KDM5B: variants seen among roughly 807,000 people sequenced by gnomAD.
KDM5B encodes lysine demethylase 5B.
In KDM5B, 144 loss-of-function variants were observed where a neutral mutation model predicts 193.4. That is an observed-to-expected ratio of 0.74 (90% confidence interval 0.65 to 0.86). The LOEUF is 0.86. KDM5B is among the 40% of genes least tolerant of loss of function. The pLI is 0.00. For synonymous variants in KDM5B, 668 were observed against 682.6 expected (o/e 0.98, Z 0.33); for missense variants, 1,833 against 1,886.9 (o/e 0.97, Z 0.53).
chr1:202,731,629 T>TA (rs1654886473), intron 24 of KDM5B, among the ~76,000 whole-genome samples, 199 bp downstream of exon 24: 1 of 152,212 alleles, frequency 6.6e-6, no homozygotes, highest in African/African-American at 2.4e-5. Context: ...ACAATGGATA[T>TA]AAAGTCTTCC....
intron 1 of KDM5B, among the ~76,000 whole-genome samples, chr1:202,804,950 C>G (rs1005565474): frequency 6.6e-6 from 1 of 151,648 alleles, no homozygotes; most frequent in African/African-American, 2.4e-5. Context: ...GTTACTAAAG[C>G]CATAAATATA....
At chr1:202,805,044 C>G (rs915652350) in intron 1 of KDM5B, among the ~76,000 whole-genome samples, 1 of 152,134 alleles carries the variant, frequency 6.6e-6, no homozygotes, top group Non-Finnish European at 1.5e-5. Context: ...CTTAAAATTA[C>G]TCATCTCCAA....
chr1:202,773,495 T>C (rs1438863572), intron 3 of KDM5B, among the ~76,000 whole-genome samples: 1 of 152,144 alleles, frequency 6.6e-6, no homozygotes, highest in Non-Finnish European at 1.5e-5. Flanking sequence ...CTTGACAACA[T>C]GGTCCATAAA....
chr1:202,777,296 T>A (rs903966789), intron 1 of KDM5B, among the ~76,000 whole-genome samples: 1 of 145,166 alleles, frequency 6.9e-6, no homozygotes, highest in Admixed American at 7.1e-5. Flanking sequence ...AAATGATATA[T>A]CACATATACA....
chr1:202,752,468 T>G (rs1026712400), intron 12 of KDM5B, among the ~76,000 whole-genome samples: 2 of 152,186 alleles, frequency 1.3e-5, no homozygotes, highest in African/African-American at 4.8e-5. Context: ...GAAGTTCACA[T>G]GACAACAAAA....
chr1:202,746,236 A>T lies in KDM5B; in HGVS notation c.2104T>A (p.Ser702Thr), dbSNP rs747194805. The T allele has an allele frequency of 6.2e-7, 1 of 1,613,724 alleles. No individual in the cohort carries two copies. The highest frequency in any genetic ancestry group is 8.5e-7 in the Non-Finnish European group (1 of 1,179,672). The change falls in exon 15 of 27, where the codon TCT becomes ACT. Residue 702 changes from serine to threonine, a missense_variant. Physicochemically the swap from Ser to Thr is moderately conservative, Grantham distance 58 (BLOSUM62 1). Coordinates refer to ENST00000367265, the MANE Select transcript of KDM5B (RefSeq NM_006618.5). ...CVKCKTTCFM[S>T]AISCSCKPGL... ...GGTTTACAAGAACAGGAGATGGCAG[A>T]CATGAAGCATGTAGTTTTGCATTTT...
At position 202,775,308 on chromosome 1, in the gene KDM5B, C is replaced by T. The variant is rs187393470; in HGVS notation, c.283-573G>A. Among the ~76,000 whole-genome samples, 240 of 150,306 alleles carry T rather than the reference C, an allele frequency of 1.6e-3. 2 individuals carry two copies. The highest frequency in any genetic ancestry group is 5.6e-3 in the African/African-American group (229 of 40,862). ...ATCCCAGCACTTTGGGAGGCCGAGA[C>T]GGGTGAATCACGAGGTCAGGAGTTC... On this transcript the variant is annotated intron_variant, in intron 2 of 26. Transcript: ENST00000367265.
chr1:202,767,471 T>C (rs1656519043), intron 4 of KDM5B: 2 of 1,025,340 alleles, frequency 2.0e-6, no homozygotes, highest in Non-Finnish European at 3.1e-6. Flanking sequence ...AAGGATGAAA[T>C]GGCGGCACCT....
chr1:202,777,416 A>G (rs938196027), intron 1 of KDM5B, among the ~76,000 whole-genome samples: 3 of 151,506 alleles, frequency 2.0e-5, no homozygotes, highest in African/African-American at 7.3e-5. Flanking sequence ...ATTACCATAG[A>G]CATACCTCAT....
chr1:202,788,512 C>T (rs1195132089), intron 1 of KDM5B, among the ~76,000 whole-genome samples: 1 of 152,144 alleles, frequency 6.6e-6, no homozygotes, highest in Non-Finnish European at 1.5e-5. Flanking sequence ...CATTAAATTC[C>T]TCTTTTACCA....
chr1:202,808,246 C>G lies in KDM5B; in HGVS notation c.60G>C (p.Pro20=), dbSNP rs779258062. The change falls in exon 1 of 27, where the codon CCG becomes CCC. Residue 20 remains proline, a synonymous_variant. Transcript: ENST00000367265. The part of the protein sequence containing the change: ...GPRPALPLGG[P]GPLGEFLPPP... ...GAGGCAGGAACTCGCCCAGCGGGCC[C>G]GGGCCCCCGAGGGGCAGCGCCGGGC... 1 of 1,611,338 alleles carries G rather than the reference C, an allele frequency of 6.2e-7. No individual in the cohort carries two copies. The highest frequency in any genetic ancestry group is 1.3e-5 in the African/African-American group (1 of 74,966).
At chr1:202,778,970 G>A (rs1000993449) in intron 1 of KDM5B, among the ~76,000 whole-genome samples, 1 of 152,116 alleles carries the variant, frequency 6.6e-6, no homozygotes, top group East Asian at 1.9e-4. Context: ...ATATGTTAAG[G>A]GGTCGGGGGG....
Position 202,725,900 on chromosome 1 carries a change from T to C in KDM5B, c.*3136A>G, listed in dbSNP as rs1184398068. The C allele has an allele frequency of 6.6e-6, 1 of 152,068 alleles. No homozygotes were observed. The highest frequency in any genetic ancestry group is 1.5e-5 in the Non-Finnish European group (1 of 68,012). The allele number at this position is 152,068 out of a possible 1,614,324, so 9.4% of individuals were successfully genotyped here. On this transcript the variant is annotated 3_prime_UTR_variant, in exon 27 of 27. Transcript: ENST00000367265. The stretch of plus-strand genomic sequence containing the variant: ...CTGAGCCCAGAAAAACACCCATGGG[T>C]ACTAAATACCAATCAATACCTGCTC...
At chr1:202,800,831 A>G (rs573957787) in intron 1 of KDM5B, among the ~76,000 whole-genome samples, 219 of 152,334 alleles carry the variant, frequency 1.4e-3, no homozygotes, top group African/African-American at 5.1e-3. Flanking sequence ...ACCGACTCCA[A>G]CACCTCCATG....
At chr1:202,762,866 T>TCAA in intron 6 of KDM5B, 58 bp from the exon 7 acceptor site, 1 of 623,610 alleles carries the variant, frequency 1.6e-6, no homozygotes, top group African/African-American at 1.9e-5. Context: ...TTCCTCATCA[T>TCAA]CTCCCTCCCA....
chr1:202,798,826 G>A (rs1405497500), intron 1 of KDM5B, among the ~76,000 whole-genome samples: 1 of 152,048 alleles, frequency 6.6e-6, no homozygotes, highest in Non-Finnish European at 1.5e-5. Context: ...GTTCGAACCA[G>A]CCTCGGCAAC....
chr1:202,753,736 CTTGGCTCA>C (rs1655895955), intron 11 of KDM5B, among the ~76,000 whole-genome samples: 1 of 136,648 alleles, frequency 7.3e-6, no homozygotes, highest in Admixed American at 8.3e-5. Context: ...ATGACGCAAT[CTTGGCTCA>C]CTGCAACCTC....
intron 1 of KDM5B, 54 bp downstream of exon 1, chr1:202,808,023 CCTCGGGCCTCCCCGGACCCGCGCGT>C: frequency 2.8e-6 from 4 of 1,416,610 alleles, no homozygotes; most frequent in Non-Finnish European, 3.8e-6. Context: ...GCCCCCCGCG[CCTCGGGCCTCCCCGGACCCGCGCGT>C]CCCCGCTCCC....
At chr1:202,739,098 G>A (rs1655202705) in intron 20 of KDM5B, among the ~76,000 whole-genome samples, 1 of 152,194 alleles carries the variant, frequency 6.6e-6, no homozygotes, top group Non-Finnish European at 1.5e-5. Context: ...CACTGAATTT[G>A]CTATTACTGA....
Sources: allele counts gnomAD v4.1 joint callset (sites outside exome capture counted in the v4.1 genomes callset), GRCh38; gene constraint gnomAD v4.1.1; transcripts MANE v1.5; gene names NCBI Gene and HGNC (gene_info 2026-07-23, HGNC 2026-07-21).